The following LEPR variants were observed in gnomAD, a reference collection of about 807,000 sequenced individuals.
The protein encoded by LEPR is OB receptor.
LEPR carries 56 observed loss-of-function variants against 114.7 expected under a neutral mutation model. The observed-to-expected ratio is 0.49, with a 90% CI of 0.39 to 0.61. The LOEUF (loss-of-function observed/expected upper bound fraction) is 0.61. Ranked by LOEUF, LEPR falls within the 20% of genes least tolerant of loss-of-function variation. The pLI is 0.00. For synonymous variants in LEPR, 443 were observed against 461.4 expected (o/e 0.96, Z 0.51); for missense variants, 1,202 against 1,352.9 (o/e 0.89, Z 1.75).
chr1:65,601,879 A>T lies in LEPR; in HGVS notation c.1322A>T (p.Tyr441Phe). The T allele has an allele frequency of 6.2e-7, 1 of 1,613,680 alleles. No individual in the cohort carries two copies. Among genetic ancestry groups the T allele is most frequent in the Admixed American group, 1.7e-5 (1 of 60,028 alleles). Reference protein sequence around the residue: ...NINISCETDGYLTKMTCRWST... With the variant: ...NINISCETDGFLTKMTCRWST... ...AATATCTCATGTGAAACTGATGGGT[A>T]CTTAACTAAAATGACTTGCAGATGG... Residue 441 changes from tyrosine to phenylalanine, a missense_variant, in exon 10 of 20, where the codon TAC becomes TTC. Physicochemically the swap from Tyr to Phe is conservative, Grantham distance 22. Transcript: ENST00000349533.
intron 2 of LEPR, among the ~76,000 whole-genome samples, chr1:65,486,710 A>T (rs888446245): frequency 6.6e-6 from 1 of 152,188 alleles, no homozygotes; most frequent in African/African-American, 2.4e-5. Context: ...CTAAGGCTGA[A>T]AGTGAGGACT....
At chr1:65,630,267 C>T in intron 19 of LEPR, 1 of 342,172 alleles carries the variant, frequency 2.9e-6, no homozygotes, top group Non-Finnish European at 5.6e-6. Context: ...CCCAGGGACA[C>T]AAACACTGCG....
chr1:65,421,585 T>A, intron 1 of LEPR: 1 of 1,069,160 alleles, frequency 9.4e-7, no homozygotes, highest in Non-Finnish European at 1.4e-6. Flanking sequence ...TATAAACATG[T>A]AGATAGTATA....
intron 2 of LEPR, among the ~76,000 whole-genome samples, chr1:65,529,772 C>T (rs533197107): frequency 2.0e-5 from 3 of 152,268 alleles, no homozygotes; most frequent in South Asian, 2.1e-4. Flanking sequence ...AGCATTGTCA[C>T]GGTTATTACT....
At chr1:65,452,350 T>TTG (rs2100332479) in intron 2 of LEPR, among the ~76,000 whole-genome samples, 1 of 149,748 alleles carries the variant, frequency 6.7e-6, no homozygotes, top group East Asian at 2.0e-4. Flanking sequence ...CATCCCTGTC[T>TTG]TGTGCCAGTT....
chr1:65,549,143 C>G (rs1165190383), intron 2 of LEPR, among the ~76,000 whole-genome samples: 2 of 151,612 alleles, frequency 1.3e-5, no homozygotes, highest in Admixed American at 6.6e-5. Context: ...GGTCCCCACT[C>G]TCTTCTGGCT....
At chr1:65,581,248 C>T (rs1570745206) in intron 5 of LEPR, among the ~76,000 whole-genome samples, 1 of 152,104 alleles carries the variant, frequency 6.6e-6, no homozygotes, top group East Asian at 1.9e-4. Flanking sequence ...TTGACCATCT[C>T]CCCTTGCACC....
At chr1:65,431,074 C>G (rs1646475706) in intron 2 of LEPR, among the ~76,000 whole-genome samples, 1 of 152,092 alleles carries the variant, frequency 6.6e-6, no homozygotes, top group Non-Finnish European at 1.5e-5. Context: ...GTCTTGAACC[C>G]CATGCCAGTT....
At chr1:65,540,132 CA>C (rs1162108278) in intron 2 of LEPR, among the ~76,000 whole-genome samples, 9 of 152,154 alleles carry the variant, frequency 5.9e-5, no homozygotes, top group Non-Finnish European at 1.3e-4. Flanking sequence ...ATTACATGTG[CA>C]GACCAAAATG....
chr1:65,443,993 C>T (rs1033144624), intron 2 of LEPR, among the ~76,000 whole-genome samples: 1 of 29,028 alleles, frequency 3.4e-5, no homozygotes, highest in Non-Finnish European at 1.0e-4. Flanking sequence ...TTTTAGGGTA[C>T]ATGTGCACAT....
chr1:65,582,341 C>T (rs1655045345), intron 5 of LEPR, among the ~76,000 whole-genome samples: 1 of 152,192 alleles, frequency 6.6e-6, no homozygotes, highest in Non-Finnish European at 1.5e-5. Context: ...GCAGTCATTT[C>T]AAGGTTCAAC....
chr1:65,520,002 T>C (rs1362372405), intron 2 of LEPR, among the ~76,000 whole-genome samples: 1 of 152,036 alleles, frequency 6.6e-6, no homozygotes, highest in Admixed American at 6.6e-5. Flanking sequence ...TAGCTGGGAC[T>C]ACAGGGGCCT....
intron 6 of LEPR, among the ~76,000 whole-genome samples, chr1:65,594,812 A>C (rs1655942377): frequency 6.6e-6 from 1 of 151,976 alleles, no homozygotes; most frequent in Non-Finnish European, 1.5e-5. Context: ...GGAGTAAAAG[A>C]GTATGTTGTT....
chr1:65,593,775 T>C (rs1655863538), intron 6 of LEPR, among the ~76,000 whole-genome samples: 1 of 152,110 alleles, frequency 6.6e-6, no homozygotes, highest in Admixed American at 6.6e-5. Context: ...AGTTGTGATC[T>C]CCACAACATA....
At chr1:65,481,875 A>G (rs1021459503) in intron 2 of LEPR, among the ~76,000 whole-genome samples, 3 of 151,270 alleles carry the variant, frequency 2.0e-5, no homozygotes, top group African/African-American at 4.8e-5. Flanking sequence ...CAAAAACAAG[A>G]AAAAGAAGAG....
intron 7 of LEPR, among the ~76,000 whole-genome samples, chr1:65,597,035 A>T (rs1234207609): frequency 6.6e-6 from 1 of 152,104 alleles, no homozygotes; most frequent in Non-Finnish European, 1.5e-5. Flanking sequence ...CCCACCCTGG[A>T]TATCTGATGA....
At chr1:65,613,077 T>C (rs984171635) in intron 14 of LEPR, among the ~76,000 whole-genome samples, 6 of 152,240 alleles carry the variant, frequency 3.9e-5, no homozygotes, top group Admixed American at 3.3e-4. Context: ...AGTGTTCTTC[T>C]GCATGGGAGA....
intron 10 of LEPR, among the ~76,000 whole-genome samples, chr1:65,603,717 A>ATTTTTTTT (rs1656616048): frequency 7.7e-6 from 1 of 129,342 alleles, no homozygotes; most frequent in Non-Finnish European, 1.7e-5. Context: ...TTTTTTTTTG[A>ATTTTTTTT]TTCATCAGCT....
intron 2 of LEPR, among the ~76,000 whole-genome samples, chr1:65,550,754 G>A (rs1181326745): frequency 6.6e-6 from 1 of 152,168 alleles, no homozygotes; most frequent in East Asian, 1.9e-4. Flanking sequence ...GGAACTCCCT[G>A]ACCCCTTGCG....
Sources: gnomAD v4.1 joint callset for allele counts (sites outside exome capture counted in the v4.1 genomes callset) on GRCh38, gnomAD v4.1.1 for gene constraint, MANE v1.5 for transcripts, NCBI Gene and HGNC (gene_info 2026-07-23, HGNC 2026-07-21) for gene names.